OPCML: variants seen among roughly 807,000 people sequenced by gnomAD.
The protein encoded by OPCML is opioid binding protein/cell adhesion molecule like.
In OPCML, 13 loss-of-function variants were observed where a neutral mutation model predicts 37.8. That is an observed-to-expected ratio of 0.34 (90% confidence interval 0.22 to 0.55). OPCML has a LOEUF of 0.55. Among genes scored for constraint, OPCML ranks in the 20% least tolerant of loss-of-function variants. OPCML has a pLI of 0.91. For missense variants in OPCML, 341 were observed against 435.6 expected (o/e 0.78, Z 1.93); for synonymous variants, 176 against 168.8 (o/e 1.04, Z -0.33).
At chr11:132,967,878 A>AT (rs1218872193) in intron 1 of OPCML, among the ~76,000 whole-genome samples, 2 of 151,772 alleles carry the variant, frequency 1.3e-5, no homozygotes, top group Non-Finnish European at 2.9e-5. Flanking sequence ...TTTCACCTTC[A>AT]TTTTTTTTAA....
intron 2 of OPCML, among the ~76,000 whole-genome samples, chr11:132,765,334 C>A (rs1267195059): frequency 6.9e-6 from 1 of 145,672 alleles, no homozygotes; most frequent in Non-Finnish European, 1.5e-5. Context: ...GTATTAAAAT[C>A]TCATATTTTT....
chr11:133,355,501 C>A (rs773931759), intron 1 of OPCML, among the ~76,000 whole-genome samples: 9 of 152,164 alleles, frequency 5.9e-5, no homozygotes, highest in Non-Finnish European at 1.2e-4. Flanking sequence ...AAAAAAACTT[C>A]TAGGTCATTC....
intron 1 of OPCML, among the ~76,000 whole-genome samples, chr11:133,498,093 C>T (rs559024141): frequency 3.3e-5 from 5 of 152,210 alleles, no homozygotes; most frequent in African/African-American, 4.8e-5. Flanking sequence ...TCTGCACCAC[C>T]GGAGAGGAGA....
intron 1 of OPCML, chr11:133,422,694 A>G: frequency 1.0e-6 from 1 of 984,484 alleles, no homozygotes; most frequent in Non-Finnish European, 1.2e-6. Context: ...TCATGAGGAA[A>G]TATATGCAAA....
chr11:132,582,815 G>A (rs891915439), intron 3 of OPCML, among the ~76,000 whole-genome samples: 1 of 150,786 alleles, frequency 6.6e-6, no homozygotes, highest in African/African-American at 2.4e-5. Context: ...AAAATAATAG[G>A]AGTGTCTTCA....
intron 1 of OPCML, among the ~76,000 whole-genome samples, chr11:133,202,197 G>A (rs1429773511): frequency 1.3e-5 from 2 of 152,170 alleles, no homozygotes; most frequent in Non-Finnish European, 2.9e-5. Flanking sequence ...GCCCAGAGGA[G>A]GTCAGCCATT....
chr11:132,471,719 A>G (rs373931876), intron 4 of OPCML, among the ~76,000 whole-genome samples: 5 of 152,340 alleles, frequency 3.3e-5, no homozygotes, highest in African/African-American at 1.2e-4. Context: ...AGAATCATTC[A>G]TGACCATCTT....
At chr11:132,959,153 A>C (rs544891918) in intron 1 of OPCML, among the ~76,000 whole-genome samples, 1 of 152,242 alleles carries the variant, frequency 6.6e-6, no homozygotes, top group Non-Finnish European at 1.5e-5. Flanking sequence ...ACAGGAGCTT[A>C]GAAGACGTTG....
At chr11:133,077,836 G>GA (rs1218741285) in intron 1 of OPCML, among the ~76,000 whole-genome samples, 14 of 151,766 alleles carry the variant, frequency 9.2e-5, no homozygotes, top group East Asian at 3.9e-4. Context: ...ACCGGCCACA[G>GA]AAAAAAAATA....
At chr11:133,361,776 A>G (rs1944428637) in intron 1 of OPCML, 1 of 153,548 alleles carries the variant, frequency 6.5e-6, no homozygotes, top group African/African-American at 2.4e-5. Context: ...AGTGTCGCTC[A>G]CAGGTGCACT....
intron 1 of OPCML, among the ~76,000 whole-genome samples, chr11:133,080,886 G>A (rs942166275): frequency 2.0e-5 from 3 of 152,030 alleles, no homozygotes; most frequent in Non-Finnish European, 2.9e-5. Flanking sequence ...CTGAGATATC[G>A]GTGCAGAACA....
chr11:133,096,396 G>A (rs1245692356), intron 1 of OPCML, among the ~76,000 whole-genome samples: 1 of 151,882 alleles, frequency 6.6e-6, no homozygotes, highest in Non-Finnish European at 1.5e-5. Context: ...AAGGTGGTAG[G>A]AGAGAAAATG....
chr11:133,444,489 A>T (rs1358267781), intron 1 of OPCML, among the ~76,000 whole-genome samples: 4 of 152,330 alleles, frequency 2.6e-5, no homozygotes, highest in South Asian at 2.1e-4. Context: ...GTCTGAAAAA[A>T]TGTTAGAAGA....
At chr11:133,439,391 T>A in intron 1 of OPCML, 1 of 984,444 alleles carries the variant, frequency 1.0e-6, no homozygotes, top group Non-Finnish European at 1.2e-6. Context: ...ATAGGAAAAA[T>A]TCCGTCTGTT....
At chr11:132,646,971 A>C (rs1475406210) in intron 3 of OPCML, among the ~76,000 whole-genome samples, 1 of 152,226 alleles carries the variant, frequency 6.6e-6, no homozygotes, top group Non-Finnish European at 1.5e-5. Flanking sequence ...AAAACAAGAG[A>C]GAAAAAAGTT....
chr11:132,429,999 G>C (rs533916600), intron 7 of OPCML, among the ~76,000 whole-genome samples: 1 of 152,144 alleles, frequency 6.6e-6, no homozygotes, highest in Admixed American at 6.5e-5. Context: ...CCAGAAGTGG[G>C]GCATTGTGGG....
intron 3 of OPCML, among the ~76,000 whole-genome samples, chr11:132,611,946 G>A (rs995159410): frequency 1.3e-5 from 2 of 152,168 alleles, no homozygotes; most frequent in Non-Finnish European, 1.5e-5. Context: ...AGTAGCGACC[G>A]GAGGAGACGT....
chr11:132,595,396 G>C (rs371513563), intron 3 of OPCML, among the ~76,000 whole-genome samples: 1 of 152,072 alleles, frequency 6.6e-6, no homozygotes, highest in Non-Finnish European at 1.5e-5. Flanking sequence ...AAAATCTGTG[G>C]GCAAGTTATT....
At chr11:133,505,034 C>T (rs1351086238) in intron 1 of OPCML, among the ~76,000 whole-genome samples, 1 of 152,212 alleles carries the variant, frequency 6.6e-6, no homozygotes, top group African/African-American at 2.4e-5. Context: ...GAGCAGCAGG[C>T]TTTCGGGCCA....
Sources: allele counts gnomAD v4.1 joint callset (sites outside exome capture counted in the v4.1 genomes callset), GRCh38; gene constraint gnomAD v4.1.1; transcripts MANE v1.5; gene names NCBI Gene and HGNC (gene_info 2026-07-23, HGNC 2026-07-21).